Variants in TDRD3 observed in about 807,000 individuals in gnomAD.
TDRD3 encodes tudor domain containing 3, also known as tudor domain-containing protein 3.
Under a neutral mutation model 86.7 loss-of-function variants are expected in TDRD3, and 45 were observed. That is an observed-to-expected ratio of 0.52 (90% confidence interval 0.41 to 0.67). TDRD3 has a LOEUF of 0.67. Ranked by LOEUF, TDRD3 falls within the 30% of genes least tolerant of loss-of-function variation. TDRD3 has a pLI of 0.00. For missense variants in TDRD3, 814 were observed against 889.0 expected (o/e 0.92, Z 1.07); for synonymous variants, 298 against 301.7 (o/e 0.99, Z 0.13).
intron 1 of TDRD3, among the ~76,000 whole-genome samples, chr13:60,399,055 A>G (rs1290174976): frequency 6.6e-6 from 1 of 152,136 alleles, no homozygotes; most frequent in Non-Finnish European, 1.5e-5. Flanking sequence ...TTAGGTCCCG[A>G]ACACGTGTTG....
intron 10 of TDRD3, among the ~76,000 whole-genome samples, chr13:60,520,634 T>C (rs1957268118): frequency 6.6e-6 from 1 of 152,234 alleles, no homozygotes; most frequent in East Asian, 1.9e-4. Context: ...TACCTATTTG[T>C]TGTCTGCCTC....
intron 1 of TDRD3, among the ~76,000 whole-genome samples, chr13:60,411,593 T>C (rs988287933): frequency 1.3e-5 from 2 of 152,194 alleles, no homozygotes; most frequent in Non-Finnish European, 2.9e-5. Flanking sequence ...ATAGGTTTTT[T>C]TTGGTTTTTC....
At chr13:60,436,372 A>G (rs1363304162) in intron 1 of TDRD3, among the ~76,000 whole-genome samples, 1 of 151,660 alleles carries the variant, frequency 6.6e-6, no homozygotes, top group East Asian at 1.9e-4. Flanking sequence ...GAATTTCTAA[A>G]CCATGAAAAT....
At chr13:60,419,559 C>T (rs1167818765) in intron 1 of TDRD3, among the ~76,000 whole-genome samples, 7 of 152,012 alleles carry the variant, frequency 4.6e-5, no homozygotes, top group Non-Finnish European at 1.0e-4. Flanking sequence ...TGTGTTCTCA[C>T]TCATAGGTGG....
intron 8 of TDRD3, among the ~76,000 whole-genome samples, chr13:60,507,194 T>C (rs1956957577): frequency 6.6e-6 from 1 of 152,184 alleles, no homozygotes; most frequent in Non-Finnish European, 1.5e-5. Context: ...CCCAGATTCA[T>C]AAAGCAAGTT....
chr13:60,415,959 T>C (rs1414195751), intron 1 of TDRD3, among the ~76,000 whole-genome samples: 1 of 152,212 alleles, frequency 6.6e-6, no homozygotes, highest in African/African-American at 2.4e-5. Context: ...TGGCCGTCAG[T>C]GTCCTTGACT....
chr13:60,401,601 G>T (rs534259901), intron 1 of TDRD3, among the ~76,000 whole-genome samples: 2 of 152,298 alleles, frequency 1.3e-5, no homozygotes, highest in East Asian at 3.9e-4. Context: ...TTTCCATTTT[G>T]TTCTGAAAGA....
intron 12 of TDRD3, among the ~76,000 whole-genome samples, chr13:60,546,299 T>C (rs1957939473): frequency 6.6e-6 from 1 of 152,148 alleles, no homozygotes; most frequent in Non-Finnish European, 1.5e-5. Context: ...TTGTATTCTT[T>C]AGAAATTAGC....
At chr13:60,572,063 T>G (rs1958597823) in intron 13 of TDRD3, among the ~76,000 whole-genome samples, 1 of 152,138 alleles carries the variant, frequency 6.6e-6, no homozygotes, top group Non-Finnish European at 1.5e-5. Flanking sequence ...CAAAACTTTG[T>G]GCGTTTGGAG....
At chr13:60,465,861 T>C (rs945626666) in intron 4 of TDRD3, among the ~76,000 whole-genome samples, 14 of 152,158 alleles carry the variant, frequency 9.2e-5, no homozygotes, top group Non-Finnish European at 2.9e-5. Context: ...GAAGTACTAT[T>C]TGCAGTACTT....
chr13:60,409,409 G>A (rs1043369569), intron 1 of TDRD3, among the ~76,000 whole-genome samples: 1 of 152,186 alleles, frequency 6.6e-6, no homozygotes, highest in African/African-American at 2.4e-5. Context: ...CTGTGCACCT[G>A]GAAAAGCTGC....
chr13:60,463,327 G>A (rs527631946), intron 4 of TDRD3, among the ~76,000 whole-genome samples: 5 of 141,740 alleles, frequency 3.5e-5, no homozygotes, highest in South Asian at 4.5e-4. Context: ...ACACCATTGC[G>A]CTCCAGTCGG....
At chr13:60,397,453 G>A (rs1953951740) in intron 1 of TDRD3, 48 bp downstream of exon 1, 1 of 1,457,790 alleles carries the variant, frequency 6.9e-7, no homozygotes, top group Non-Finnish European at 9.0e-7. Context: ...GCGGGCCGGG[G>A]CCCCAGGGAG....
chr13:60,486,331 A>G (rs1012490014), intron 7 of TDRD3, among the ~76,000 whole-genome samples: 1 of 152,156 alleles, frequency 6.6e-6, no homozygotes, highest in Non-Finnish European at 1.5e-5. Context: ...AACTTATGAG[A>G]AATAGCAGCT....
rs540572204 is a variant in TDRD3 at position 60,444,535 on chromosome 13, A to T, written c.127-148A>T. 127 of 470,082 alleles carry T rather than the reference A, an allele frequency of 2.7e-4. 1 individual carries two copies. In the South Asian group the frequency reaches 5.2e-3, roughly 19 times the overall value. The allele number at this position is 470,082 out of a possible 1,614,324, so 29.1% of individuals were successfully genotyped here. On this transcript the variant is annotated intron_variant, in intron 2 of 13. Coordinates refer to ENST00000377881, the MANE Select transcript of TDRD3 (RefSeq NM_001146070.2). ...CGTATTATGGGACACTGTTACTTGA[A>T]AGATTGATAATACATGTAGATCTCA...
At chr13:60,434,942 G>T (rs1955054211) in intron 1 of TDRD3, among the ~76,000 whole-genome samples, 1 of 152,266 alleles carries the variant, frequency 6.6e-6, no homozygotes, top group East Asian at 1.9e-4. Flanking sequence ...CCTGTGTTGT[G>T]TTGTTCTTCA....
intron 5 of TDRD3, among the ~76,000 whole-genome samples, chr13:60,477,258 AG>A: frequency 6.6e-6 from 1 of 151,538 alleles, no homozygotes. Flanking sequence ...TCTGTCACAC[AG>A]GCTGAAGCAC....
chr13:60,437,314 C>T (rs1011586326), intron 1 of TDRD3, among the ~76,000 whole-genome samples: 4 of 151,180 alleles, frequency 2.6e-5, no homozygotes, highest in Non-Finnish European at 5.9e-5. Context: ...TTAGTAGAAA[C>T]GGGGTTTCAC....
intron 1 of TDRD3, among the ~76,000 whole-genome samples, chr13:60,434,882 C>A (rs17188443): frequency 6.6e-6 from 1 of 152,040 alleles, no homozygotes; most frequent in Non-Finnish European, 1.5e-5. Flanking sequence ...GTGCCTGCTC[C>A]ACTTTTCAGT....
Sources: allele counts gnomAD v4.1 joint callset (sites outside exome capture counted in the v4.1 genomes callset), GRCh38; gene constraint gnomAD v4.1.1; transcripts MANE v1.5; gene names NCBI Gene and HGNC (gene_info 2026-07-23, HGNC 2026-07-21).